NTNG1: variants seen among roughly 807,000 people sequenced by gnomAD.
NTNG1 encodes the protein netrin G1, also known as netrin-G1.
Under a neutral mutation model 54.0 loss-of-function variants are expected in NTNG1, and 16 were observed. That is an observed-to-expected ratio of 0.30 (90% CI 0.20 to 0.45). The LOEUF is 0.45. NTNG1 is among the 20% of genes least tolerant of loss of function. NTNG1 has a pLI of 1.00. For missense variants in NTNG1, 530 were observed against 678.7 expected (o/e 0.78, Z 2.43); for synonymous variants, 255 against 263.1 (o/e 0.97, Z 0.30).
chr1:107,223,006 C>G (rs955345247), intron 2 of NTNG1, among the ~76,000 whole-genome samples: 1 of 151,916 alleles, frequency 6.6e-6, no homozygotes, highest in African/African-American at 2.4e-5. Context: ...CAATGCTTCT[C>G]TAACTTTAGT....
intron 2 of NTNG1, among the ~76,000 whole-genome samples, chr1:107,259,064 CA>C (rs1663123915): frequency 6.6e-6 from 1 of 151,972 alleles, no homozygotes; most frequent in African/African-American, 2.4e-5. Flanking sequence ...ATAATAGAGG[CA>C]GGAAAGTAAA....
At chr1:107,275,880 A>G (rs1198911450) in intron 2 of NTNG1, among the ~76,000 whole-genome samples, 2 of 152,180 alleles carry the variant, frequency 1.3e-5, no homozygotes, top group African/African-American at 4.8e-5. Flanking sequence ...TATAAAATTA[A>G]CCATCACACC....
At chr1:107,175,244 G>A (rs947693907) in intron 2 of NTNG1, among the ~76,000 whole-genome samples, 1 of 152,034 alleles carries the variant, frequency 6.6e-6, no homozygotes, top group South Asian at 2.1e-4. Flanking sequence ...TTTGATTTGG[G>A]ACTTGAAGGA....
At chr1:107,395,106 C>T (rs751486181) in intron 3 of NTNG1, 48 bp from the exon 4 acceptor site, 5 of 1,543,372 alleles carry the variant, frequency 3.2e-6, no homozygotes, top group Non-Finnish European at 4.4e-6. Context: ...CAGTGGTCAC[C>T]AAGACCAACT....
At chr1:107,185,324 C>G (rs1657371506) in intron 2 of NTNG1, among the ~76,000 whole-genome samples, 1 of 152,130 alleles carries the variant, frequency 6.6e-6, no homozygotes. Context: ...GGGGAAGAAT[C>G]CTTTGTTACA....
chr1:107,469,247 G>C (rs547889819), intron 7 of NTNG1, among the ~76,000 whole-genome samples: 4 of 151,990 alleles, frequency 2.6e-5, no homozygotes, highest in South Asian at 4.1e-4. Flanking sequence ...TTCTCTTCCT[G>C]TTCATGCTTC....
intron 5 of NTNG1, chr1:107,408,368 T>A (rs1673582081): frequency 6.5e-6 from 1 of 154,302 alleles, no homozygotes; most frequent in East Asian, 1.9e-4. Flanking sequence ...ATAAAAAATA[T>A]GTGCAGAATT....
chr1:107,469,852 C>T (rs376421233), intron 7 of NTNG1, among the ~76,000 whole-genome samples: 3 of 151,966 alleles, frequency 2.0e-5, no homozygotes, highest in South Asian at 2.1e-4. Context: ...AGTGCAGGTA[C>T]GTACAAGGGC....
intron 3 of NTNG1, among the ~76,000 whole-genome samples, chr1:107,348,448 T>C (rs1247582372): frequency 1.3e-5 from 2 of 152,172 alleles, no homozygotes; most frequent in Non-Finnish European, 2.9e-5. Context: ...TTAATCACTA[T>C]GTTAATACCT....
chr1:107,398,376 A>C (rs1449167923), intron 4 of NTNG1, among the ~76,000 whole-genome samples: 1 of 152,172 alleles, frequency 6.6e-6, no homozygotes, highest in Non-Finnish European at 1.5e-5. Context: ...AGGGAATGAC[A>C]ATATTCTTCC....
intron 2 of NTNG1, chr1:107,260,778 T>A (rs1311690923): frequency 6.6e-6 from 1 of 152,178 alleles, no homozygotes. Flanking sequence ...AAGAAATCAG[T>A]CAGGTGAGTA....
At chr1:107,150,439 A>G (rs1385009410) in intron 2 of NTNG1, among the ~76,000 whole-genome samples, 2 of 152,196 alleles carry the variant, frequency 1.3e-5, no homozygotes, top group African/African-American at 2.4e-5. Context: ...GATAGGTTGT[A>G]TAGTCTTCTA....
Position 107,402,864 on chromosome 1 carries a change from G to C in NTNG1, c.1061-4818G>C, listed in dbSNP as rs1673129124. On this transcript the variant is annotated intron_variant, in intron 4 of 7. Coordinates refer to ENST00000370068, the MANE Select transcript of NTNG1 (RefSeq NM_001113226.3). ...ATAAGATCTAGTTACCCACTTGATG[G>C]GTTTTTCAAACCATCTATCACAACA... Among the ~76,000 whole-genome samples the C allele has an allele frequency of 2.0e-5, 3 of 151,918 alleles. No homozygotes were observed. In the South Asian group the frequency reaches 6.2e-4, roughly 32 times the overall value.
At chr1:107,373,450 T>C (rs1299618821) in intron 3 of NTNG1, among the ~76,000 whole-genome samples, 1 of 152,212 alleles carries the variant, frequency 6.6e-6, no homozygotes, top group East Asian at 1.9e-4. Context: ...CAATATATCA[T>C]TTTTGTTTTA....
chr1:107,433,647 T>C (rs1675418698), intron 6 of NTNG1, among the ~76,000 whole-genome samples: 1 of 152,242 alleles, frequency 6.6e-6, no homozygotes, highest in Admixed American at 6.5e-5. Flanking sequence ...GAAAATTGTG[T>C]TTCAAGAATG....
intron 2 of NTNG1, among the ~76,000 whole-genome samples, chr1:107,297,667 A>G (rs1666067420): frequency 6.6e-6 from 1 of 152,100 alleles, no homozygotes; most frequent in Non-Finnish European, 1.5e-5. Context: ...CCAAACAACA[A>G]TTGCTGCTGT....
At chr1:107,288,649 A>G (rs2101753900) in intron 2 of NTNG1, among the ~76,000 whole-genome samples, 1 of 152,276 alleles carries the variant, frequency 6.6e-6, no homozygotes, top group African/African-American at 2.4e-5. Context: ...TAAATCATCT[A>G]TATCCTTAGA....
intron 2 of NTNG1, among the ~76,000 whole-genome samples, chr1:107,320,661 CTTT>C (rs59983037): frequency 2.3e-5 from 3 of 133,102 alleles, no homozygotes; most frequent in African/African-American, 5.4e-5. Flanking sequence ...CACCTTTCAT[CTTT>C]TTTTTTTTTT....
intron 2 of NTNG1, among the ~76,000 whole-genome samples, chr1:107,287,187 T>C (rs960773379): frequency 3.9e-5 from 6 of 152,164 alleles, no homozygotes; most frequent in African/African-American, 1.4e-4. Flanking sequence ...TTGTGCATAG[T>C]GTATATATGG....
Sources: allele counts gnomAD v4.1 joint callset (sites outside exome capture counted in the v4.1 genomes callset), GRCh38; gene constraint gnomAD v4.1.1; transcripts MANE v1.5; gene names NCBI Gene and HGNC (gene_info 2026-07-23, HGNC 2026-07-21).